The following STARD9 variants were observed in gnomAD, a reference collection of about 807,000 sequenced individuals.
STARD9 encodes the protein StAR related lipid transfer domain containing 9, also known as stAR-related lipid transfer protein 9.
Under a neutral mutation model 399.8 loss-of-function variants are expected in STARD9, and 346 were observed. That is an observed-to-expected ratio of 0.87 (90% confidence interval 0.79 to 0.95). The LOEUF is 0.95. STARD9 is among the 40% of genes least tolerant of loss of function. The pLI is 0.00. For missense variants in STARD9, 5,832 were observed against 5,667.5 expected (o/e 1.03, Z -0.93); for synonymous variants, 2,203 against 2,143.5 (o/e 1.03, Z -0.77).
chr15:42,643,584 G>A (rs893439888), intron 7 of STARD9, among the ~76,000 whole-genome samples: 7 of 151,920 alleles, frequency 4.6e-5, no homozygotes, highest in African/African-American at 1.5e-4. Flanking sequence ...TCTGCCTCCC[G>A]GGTTCAAGCG....
chr15:42,637,582 G>A (rs1595684183), intron 4 of STARD9, among the ~76,000 whole-genome samples: 1 of 152,228 alleles, frequency 6.6e-6, no homozygotes, highest in African/African-American at 2.4e-5. Context: ...AGGGGGCTGG[G>A]GGAACATTGG....
chr15:42,634,646 C>T (rs1232105783), intron 3 of STARD9, among the ~76,000 whole-genome samples: 1 of 152,180 alleles, frequency 6.6e-6, no homozygotes, highest in East Asian at 1.9e-4. Flanking sequence ...TGTCTAGATA[C>T]ACTAGGCACT....
chr15:42,650,648 C>T (rs1001244659), intron 7 of STARD9, among the ~76,000 whole-genome samples: 3 of 152,152 alleles, frequency 2.0e-5, no homozygotes, highest in Non-Finnish European at 4.4e-5. Flanking sequence ...GAGTCTGCCA[C>T]CTTGTGGGGA....
In STARD9 at chr15:42,691,344, A is replaced by G. The variant is rs367908363; in HGVS notation, c.9766A>G (p.Lys3256Glu). The part of the protein sequence containing the change: ...DAGREEVAVA[K>E]PPVSKILSQG... The stretch of plus-strand genomic sequence containing the variant: ...TGGGAGAGAGGAGGTGGCTGTGGCC[A>G]AGCCTCCTGTGTCCAAGATTTTATC... Residue 3256 changes from lysine (K) to glutamate (E), a missense_variant, in exon 23 of 33, where the codon AAG (lysine) becomes GAG (glutamate). Lys to Glu is a moderately conservative substitution (Grantham distance 56, BLOSUM62 1). This residue lies in a region of STARD9 where 5,828 missense variants were observed against 5,651.1 expected (regional missense o/e 1.03). Transcript: ENST00000290607. 1.5e-5 allele frequency: 23 copies of G among 1,537,072 alleles called. No homozygotes were observed. Among genetic ancestry groups the G allele is most frequent in the East Asian group, 7.3e-5 (3 of 40,924 alleles).
At chr15:42,716,534 A>G in intron 26 of STARD9, 143 bp from the exon 27 acceptor site, 1 of 613,210 alleles carries the variant, frequency 1.6e-6, no homozygotes, top group Non-Finnish European at 2.9e-6. Flanking sequence ...TCTTTGGGGG[A>G]CATCGAGCCT....
chr15:42,624,632 T>C (rs1256010650), intron 3 of STARD9, among the ~76,000 whole-genome samples: 1 of 151,898 alleles, frequency 6.6e-6, no homozygotes, highest in Non-Finnish European at 1.5e-5. Flanking sequence ...CGCTGCAACC[T>C]CCGCCTCCCA....
In STARD9 at chr15:42,688,692, A is replaced by T; in HGVS notation, c.7114A>T (p.Ser2372Cys). Reference protein sequence around the residue: ...LDLTMLKIHNSPLVTGVEHQD... With the variant: ...LDLTMLKIHNCPLVTGVEHQD... ...TCTCACAATGTTGAAAATTCATAAC[A>T]GTCCCTTGGTAACTGGAGTAGAGCA... Residue 2372 changes from serine to cysteine, a missense_variant, in exon 23 of 33, where the codon AGT (serine) becomes TGT (cysteine). By Grantham distance (112) the Ser-to-Cys change is moderately radical. This residue lies in a region of STARD9 where 5,828 missense variants were observed against 5,651.1 expected (regional missense o/e 1.03). Coordinates refer to ENST00000290607, the MANE Select transcript of STARD9 (RefSeq NM_020759.3). The T allele has an allele frequency of 6.5e-7, 1 of 1,537,752 alleles. No individual in the cohort carries two copies.
Position 42,684,717 on chromosome 15 carries a change from G to GT in STARD9, c.3141dup (p.Leu1048SerfsTer4). On this transcript the variant is annotated frameshift_variant, in exon 23 of 33. Transcript: ENST00000290607. LOFTEE classifies it high-confidence loss of function. ...CAGGGCATCAAAAAGGCATCAGAGG[G>GT]TTCTGGCAACTAGGGTCAGAAATAT... 1 of 1,537,206 alleles carries GT rather than the reference G, an allele frequency of 6.5e-7. No homozygotes were observed. Among genetic ancestry groups the GT allele is most frequent in the Non-Finnish European group, 8.7e-7 (1 of 1,146,918 alleles).
At position 42,691,446 on chromosome 15, in the gene STARD9, C is replaced by T. The variant is rs1236848948; in HGVS notation, c.9868C>T (p.His3290Tyr). ...TPQPAAQRSG[H>Y]LYTGREQPAP... ...GCAGCCTGCTGCTCAGAGGAGTGGC[C>T]ACCTCTACACTGGCAGAGAGCAGCC... Residue 3290 changes from histidine to tyrosine, a missense_variant, in exon 23 of 33, where the codon CAC becomes TAC. By Grantham distance (83) the His-to-Tyr change is moderately conservative (BLOSUM62 2). Around this residue, in one of 2 missense-constraint regions of STARD9, gnomAD observed 5,828 missense variants for 5,651.1 expected, o/e 1.03. Transcript: ENST00000290607. 3.4e-5 allele frequency: 53 copies of T among 1,537,048 alleles called. No individual in the cohort carries two copies. The highest frequency in any genetic ancestry group is 4.5e-5 in the Non-Finnish European group (52 of 1,146,900).
chr15:42,709,906 A>C (rs1454132382), intron 26 of STARD9, among the ~76,000 whole-genome samples: 1 of 152,040 alleles, frequency 6.6e-6, no homozygotes, highest in Admixed American at 6.5e-5. Context: ...AATTTATTCA[A>C]CTATTTAATT....
chr15:42,657,677 A>C (rs1595718505), intron 9 of STARD9, among the ~76,000 whole-genome samples: 1 of 152,376 alleles, frequency 6.6e-6, no homozygotes, highest in East Asian at 1.9e-4. Context: ...CCAACATCAC[A>C]GAATACACAT....
At chr15:42,582,576 C>T (rs1405100772) in intron 1 of STARD9, among the ~76,000 whole-genome samples, 2 of 152,168 alleles carry the variant, frequency 1.3e-5, no homozygotes, top group Non-Finnish European at 2.9e-5. Context: ...GAAATATATT[C>T]TCAGGGTCTC....
chr15:42,615,253 G>T (rs1014932019), intron 3 of STARD9, among the ~76,000 whole-genome samples: 8 of 151,912 alleles, frequency 5.3e-5, no homozygotes, highest in South Asian at 2.1e-4. Flanking sequence ...CAAGTGATCC[G>T]ATGCCTCCGC....
At chr15:42,576,485 A>G (rs535640937) in intron 1 of STARD9, among the ~76,000 whole-genome samples, 2 of 152,240 alleles carry the variant, frequency 1.3e-5, no homozygotes, top group South Asian at 4.1e-4. Flanking sequence ...ACAGGTGGAG[A>G]GAGTTTAAAG....
rs564176090 is a variant in STARD9 at position 42,599,215 on chromosome 15, C to T, written c.234+13578C>T. On this transcript the variant is annotated intron_variant, in intron 3 of 32. Transcript: ENST00000290607. ...CTGGGATTATGTGAGCCACCATGCC[C>T]GGCGTATACTTGGGGATCTCTTTTA... Among the ~76,000 whole-genome samples the T allele has an allele frequency of 1.3e-4, 20 of 152,260 alleles. 1 individual carries two copies. The highest frequency in any genetic ancestry group is 6.2e-4 in the South Asian group (3 of 4,826).
At chr15:42,581,544 G>C (rs2058170657) in intron 1 of STARD9, 2 of 1,197,632 alleles carry the variant, frequency 1.7e-6, no homozygotes, top group African/African-American at 1.5e-5. Flanking sequence ...GCGCCGGGCC[G>C]GTCTGCTCCA....
chr15:42,665,630 C>T (rs554105336), intron 14 of STARD9, among the ~76,000 whole-genome samples, 156 bp from the exon 15 acceptor site: 3 of 152,270 alleles, frequency 2.0e-5, no homozygotes, highest in Admixed American at 6.5e-5. Context: ...CATCTTTGTA[C>T]CAATATGAGC....
intron 3 of STARD9, among the ~76,000 whole-genome samples, chr15:42,630,744 T>C (rs898349113): frequency 6.6e-6 from 1 of 152,182 alleles, no homozygotes; most frequent in African/African-American, 2.4e-5. Flanking sequence ...AATGGGACTT[T>C]GGATTTCTGC....
chr15:42,694,459 G>A (rs2060794530), intron 23 of STARD9, 69 bp from the exon 24 acceptor site: 1 of 1,525,782 alleles, frequency 6.6e-7, no homozygotes, highest in African/African-American at 1.4e-5. Context: ...GGATCTTCCA[G>A]GGGTCAGAGA....
Sources: gnomAD v4.1 joint callset for allele counts (sites outside exome capture counted in the v4.1 genomes callset) on GRCh38, gnomAD v4.1.1 for gene constraint, gnomAD v4.1.1 regional missense constraint, MANE v1.5 for transcripts, NCBI Gene and HGNC (gene_info 2026-07-23, HGNC 2026-07-21) for gene names.